ABCA5: variants seen among roughly 807,000 people sequenced by gnomAD.
The protein encoded by ABCA5 is ATP binding cassette subfamily A member 5.
Under a neutral mutation model 206.0 loss-of-function variants are expected in ABCA5, and 163 were observed. The ratio of observed to expected loss-of-function variants is 0.79; its 90% CI spans 0.70 to 0.90. The LOEUF is 0.90. Ranked by LOEUF, ABCA5 falls within the 40% of genes least tolerant of loss-of-function variation. ABCA5 has a pLI of 0.00. For missense variants in ABCA5, 1,859 were observed against 1,912.9 expected (o/e 0.97, Z 0.53); for synonymous variants, 609 against 613.8 (o/e 0.99, Z 0.11).
At chr17:69,260,745 A>G (rs1185412863) in intron 26 of ABCA5, among the ~76,000 whole-genome samples, 1 of 151,914 alleles carries the variant, frequency 6.6e-6, no homozygotes, top group African/African-American at 2.4e-5. Context: ...CCTTAATAAA[A>G]TCAATCTGGT....
Position 69,247,175 on chromosome 17 carries a change from T to C in ABCA5, c.*362A>G, listed in dbSNP as rs2074960667. The C allele has an allele frequency of 6.3e-6, 1 of 158,056 alleles. No homozygotes were observed. The highest frequency in any genetic ancestry group is 6.5e-5 in the Admixed American group (1 of 15,422). The allele number at this position is 158,056 out of a possible 1,614,324, so 9.8% of individuals were successfully genotyped here. A position where few individuals can be genotyped will look rare whatever the true frequency, so the allele number is the denominator to read the frequency against. On this transcript the variant is annotated 3_prime_UTR_variant, in exon 39 of 39. Transcript: ENST00000392676. ...TTAGTTTTTTATTTAGATTGGAACATTACGTACTTATTTAAGAAGATGGCA... is the reference window on the plus strand; with the variant it reads ...TTAGTTTTTTATTTAGATTGGAACACTACGTACTTATTTAAGAAGATGGCA...
At position 69,326,913 on chromosome 17, in the gene ABCA5, C is replaced by G. The variant is rs1216576258; in HGVS notation, c.-16+139G>C. On this transcript the variant is annotated intron_variant, in intron 1 of 38. Transcript: ENST00000392676. This position sits in a 1 kb window ranked among gnomAD's most constrained non-coding sequence, Gnocchi z 4.8. Reference sequence around the variant, plus strand: ...TGCCCGCTTCCGAGCCCGCTTCACCCCACACCTCAGACGCCGAACTCCCCT... The same window carrying G: ...TGCCCGCTTCCGAGCCCGCTTCACCGCACACCTCAGACGCCGAACTCCCCT... The G allele has an allele frequency of 3.3e-5, 5 of 152,746 alleles. No individual in the cohort carries two copies. The highest frequency in any genetic ancestry group is 6.5e-5 in the Admixed American group (1 of 15,274). 9.5% of individuals were successfully genotyped at this position (152,746 alleles called of 1,614,324 possible).
At chr17:69,291,187 T>C (rs777155764) in intron 12 of ABCA5, 29 bp downstream of exon 12, 17 of 1,359,712 alleles carry the variant, frequency 1.3e-5, no homozygotes, top group Non-Finnish European at 1.7e-5. Flanking sequence ...TATAATGAAG[T>C]TTTTTTTTCT....
chr17:69,274,278 G>A (rs1026242786), intron 19 of ABCA5, 150 bp from the exon 20 acceptor site: 2 of 673,438 alleles, frequency 3.0e-6, no homozygotes, highest in African/African-American at 1.9e-5. Flanking sequence ...GAGTGTAATG[G>A]CATGATCTCA....
chr17:69,302,709 A>T lies in ABCA5; in HGVS notation c.1119+9T>A. ...TATTTAGTGAATGCAAGATTAATAT[A>T]TTACCTACCTGTGCAATACCAATCA... On this transcript the variant is annotated intron_variant, in intron 8 of 38. Transcript: ENST00000392676. 6.8e-7 allele frequency: 1 copy of T among 1,471,084 alleles called. No homozygotes were observed. The highest frequency in any genetic ancestry group is 1.5e-5 in the South Asian group (1 of 66,046). The allele number at this position is 1,471,084 out of a possible 1,614,324, so 91.1% of individuals were successfully genotyped here.
intron 3 of ABCA5, among the ~76,000 whole-genome samples, 172 bp from the exon 4 acceptor site, chr17:69,309,595 C>T (rs1354383089): frequency 2.6e-5 from 4 of 152,182 alleles, no homozygotes; most frequent in Admixed American, 2.0e-4. Flanking sequence ...GTAATCCCAA[C>T]ATTTTGGAAG....
chr17:69,275,907 GCA>G (rs2144947839), intron 19 of ABCA5, among the ~76,000 whole-genome samples: 1 of 152,236 alleles, frequency 6.6e-6, no homozygotes, highest in East Asian at 1.9e-4. Flanking sequence ...GGTCATATGA[GCA>G]CACAGTGAGA....
rs572629409 is a variant in ABCA5 at position 69,313,482 on chromosome 17, C to A, written c.103-186G>T. 2.0e-5 allele frequency among the ~76,000 whole-genome samples: 3 copies of A among 152,100 alleles called. No individual in the cohort carries two copies. The East Asian group carries it at 5.8e-4, about 29-fold the overall frequency. ...TGAACACCTCATCCAACCCAACATGCATATTATTTTTTCCTTTGTATTTAG... is the reference window on the plus strand; with the variant it reads ...TGAACACCTCATCCAACCCAACATGAATATTATTTTTTCCTTTGTATTTAG... On this transcript the variant is annotated intron_variant, in intron 2 of 38. Coordinates refer to ENST00000392676, the MANE Select transcript of ABCA5 (RefSeq NM_172232.4).
chr17:69,264,934 A>G, intron 23 of ABCA5, 29 bp from the exon 24 acceptor site: 6 of 1,390,204 alleles, frequency 4.3e-6, no homozygotes, highest in Non-Finnish European at 5.7e-6. Flanking sequence ...AATTTATTAT[A>G]ATTTTAGACA....
rs1268642729 is a variant in ABCA5, at chr17:69,245,712, A to AT, written c.*1824dup. On this transcript the variant is annotated 3_prime_UTR_variant, in exon 39 of 39. Transcript: ENST00000392676. ...TAACTAAATGAACAAAATAAATAAC[A>AT]TGATTGTGACTACTCAACTTTCACT... 1 of 152,010 alleles carries AT rather than the reference A, an allele frequency of 6.6e-6. No individual in the cohort carries two copies. The highest frequency in any genetic ancestry group is 1.9e-4 in the East Asian group (1 of 5,204). The allele number at this position is 152,010 out of a possible 1,614,324, so 9.4% of individuals were successfully genotyped here.
Position 69,313,116 on chromosome 17 carries a change from C to T in ABCA5, c.283G>A (p.Val95Met). The change falls in exon 3 of 39, where the codon GTG becomes ATG. Residue 95 changes from valine (V) to methionine (M), a missense_variant. Transcript: ENST00000392676. ...CCATCAGGTAGATGATCAGTAGACA[C>T]TTTCTGCATGATGCTGCTTGTAATA... Reference protein sequence around the residue: ...TNITSSIMQKVSTDHLPDVII... With the variant: ...TNITSSIMQKMSTDHLPDVII... 1.2e-6 allele frequency: 2 copies of T among 1,610,328 alleles called. No homozygotes were observed. The highest frequency in any genetic ancestry group is 1.7e-6 in the Non-Finnish European group (2 of 1,178,046).
Position 69,304,684 on chromosome 17 carries a change from A to C in ABCA5, c.915T>G (p.Leu305=), listed in dbSNP as rs1185380046. The C allele has an allele frequency of 1.3e-6, 2 of 1,591,798 alleles. No individual in the cohort carries two copies. The highest frequency in any genetic ancestry group is 2.3e-5 in the East Asian group (1 of 44,228). Residue 305 remains leucine (L), a synonymous_variant, in exon 7 of 39, where the codon CTT becomes CTG. Coordinates refer to ENST00000392676, the MANE Select transcript of ABCA5 (RefSeq NM_172232.4). ...SSIVIFLLFF[L]YGLSSVFFAL... Reference sequence around the variant, plus strand: ...AAATACTTACAGATGATAATCCATAAAGGAAAAAAAGCAGAAATATCACAA... The same window carrying C: ...AAATACTTACAGATGATAATCCATACAGGAAAAAAAGCAGAAATATCACAA...
chr17:69,272,661 A>G (rs1301344597), intron 20 of ABCA5, among the ~76,000 whole-genome samples: 3 of 152,302 alleles, frequency 2.0e-5, no homozygotes, highest in African/African-American at 4.8e-5. Context: ...TTCCTAATGA[A>G]AGAAAAAAAA....
chr17:69,271,361 T>G, intron 20 of ABCA5, 72 bp from the exon 21 acceptor site: 12 of 1,426,740 alleles, frequency 8.4e-6, no homozygotes, highest in Non-Finnish European at 1.0e-5. Flanking sequence ...GGGAAGATAA[T>G]TCTATTTTTA....
chr17:69,287,775 G>T, intron 14 of ABCA5, 24 bp from the exon 15 acceptor site: 1 of 1,601,120 alleles, frequency 6.2e-7, no homozygotes. Flanking sequence ...GGTGAAGAAG[G>T]GCAGGGAATC....
At chr17:69,317,014 T>C (rs1023291751) in intron 1 of ABCA5, 4 of 152,182 alleles carry the variant, frequency 2.6e-5, no homozygotes, top group Non-Finnish European at 5.9e-5. Flanking sequence ...CTATTCAGAA[T>C]AGCAGAAAGG....
At chr17:69,289,393 A>G in intron 13 of ABCA5, 97 bp from the exon 14 acceptor site, 1 of 952,972 alleles carries the variant, frequency 1.0e-6, no homozygotes, top group Non-Finnish European at 1.4e-6. Flanking sequence ...TTAATGTGTT[A>G]GATATTTAAG....
chr17:69,287,018 T>C (rs987750446), intron 15 of ABCA5, among the ~76,000 whole-genome samples: 1 of 152,192 alleles, frequency 6.6e-6, no homozygotes, highest in African/African-American at 2.4e-5. Context: ...GTTCCTACTA[T>C]TCTCAAAACA....
rs1265424588 is a variant in ABCA5, at chr17:69,245,259, ACACT to A, written c.*2274_*2277del. 1 of 151,988 alleles carries A rather than the reference ACACT, an allele frequency of 6.6e-6. No homozygotes were observed. Among genetic ancestry groups the A allele is most frequent in the Non-Finnish European group, 1.5e-5 (1 of 67,876 alleles). 9.4% of individuals were successfully genotyped at this position (151,988 alleles called of 1,614,324 possible). On this transcript the variant is annotated 3_prime_UTR_variant, in exon 39 of 39. Transcript: ENST00000392676. The stretch of plus-strand genomic sequence containing the variant: ...TTTTTCTTGCCTTATTAGTCAGTAA[ACACT>A]CACTCAGTAAAGCTCAGCTTTTACT...
Sources: gnomAD v4.1 joint callset for allele counts (sites outside exome capture counted in the v4.1 genomes callset) on GRCh38, gnomAD v4.1.1 for gene constraint, Gnocchi (gnomAD v3.1) non-coding constraint, MANE v1.5 for transcripts, NCBI Gene and HGNC (gene_info 2026-07-23, HGNC 2026-07-21) for gene names.